Variants in GRID2 observed in about 807,000 individuals in gnomAD.
GRID2 encodes glutamate receptor ionotropic, delta-2.
GRID2 carries 33 observed loss-of-function variants against 114.8 expected under a neutral mutation model. That is an observed-to-expected ratio of 0.29 (90% confidence interval 0.22 to 0.38). The LOEUF (loss-of-function observed/expected upper bound fraction) is 0.38, where lower values mean the gene tolerates loss of function less well. Ranked by LOEUF, GRID2 falls within the 10% of genes least tolerant of loss-of-function variation. The pLI is 1.00. For synonymous variants in GRID2, 505 were observed against 449.9 expected, an observed-to-expected ratio of 1.12 and a Z score of -1.55; for missense variants, 1,184 against 1,257.7, an observed-to-expected ratio of 0.94 and a Z score of 0.89.
intron 4 of GRID2, among the ~76,000 whole-genome samples, chr4:93,160,070 T>C (rs915956825): frequency 4.6e-5 from 7 of 151,818 alleles, no homozygotes; most frequent in African/African-American, 1.7e-4. Flanking sequence ...AAAGGATATA[T>C]AGATAATCTT....
chr4:93,347,413 TAGTA>T (rs1477639882), intron 8 of GRID2, among the ~76,000 whole-genome samples: 1 of 152,128 alleles, frequency 6.6e-6, no homozygotes, highest in Non-Finnish European at 1.5e-5. Flanking sequence ...ATGTCTTTAT[TAGTA>T]AGTATAAAAT....
intron 8 of GRID2, among the ~76,000 whole-genome samples, chr4:93,259,167 T>C (rs2149545763): frequency 6.6e-6 from 1 of 151,942 alleles, no homozygotes; most frequent in Middle Eastern, 3.4e-3. Context: ...AAAAAATGCA[T>C]GATGATAGGA....
intron 2 of GRID2, among the ~76,000 whole-genome samples, chr4:92,958,832 G>T (rs1050475328): frequency 9.9e-5 from 15 of 151,966 alleles, no homozygotes; most frequent in African/African-American, 3.4e-4. Flanking sequence ...ATTCATTTTT[G>T]ATTCAATTTG....
At chr4:92,940,737 A>T (rs539267154) in intron 2 of GRID2, among the ~76,000 whole-genome samples, 1 of 152,000 alleles carries the variant, frequency 6.6e-6, no homozygotes, top group African/African-American at 2.4e-5. Context: ...TTTGAGATAC[A>T]TCCCATCAAT....
chr4:93,767,687 A>G (rs1459589436), intron 14 of GRID2, among the ~76,000 whole-genome samples: 1 of 152,144 alleles, frequency 6.6e-6, no homozygotes, highest in East Asian at 1.9e-4. Context: ...CCAACTTCCA[A>G]TGCACAAAAT....
chr4:93,328,168 T>G (rs960712942), intron 8 of GRID2, among the ~76,000 whole-genome samples: 2 of 151,918 alleles, frequency 1.3e-5, no homozygotes, highest in African/African-American at 4.8e-5. Context: ...GCAAGCAATA[T>G]GCACTTTTAA....
At chr4:92,732,623 T>A (rs1256372901) in intron 2 of GRID2, among the ~76,000 whole-genome samples, 2 of 152,050 alleles carry the variant, frequency 1.3e-5, no homozygotes, top group African/African-American at 2.4e-5. Context: ...GAGTTACATA[T>A]GACTGCTCAG....
chr4:92,582,993 T>C (rs558630051), intron 1 of GRID2, among the ~76,000 whole-genome samples: 18 of 152,036 alleles, frequency 1.2e-4, no homozygotes, highest in Non-Finnish European at 2.2e-4. Context: ...TCTCTCTCTA[T>C]ATATATTATT....
intron 1 of GRID2, among the ~76,000 whole-genome samples, chr4:92,542,486 G>T (rs769298803): frequency 1.3e-5 from 2 of 152,106 alleles, no homozygotes; most frequent in African/African-American, 4.8e-5. Flanking sequence ...TTGCAGCAAC[G>T]TGGATGGAGT....
At chr4:92,979,165 T>C (rs1754041754) in intron 2 of GRID2, among the ~76,000 whole-genome samples, 1 of 152,152 alleles carries the variant, frequency 6.6e-6, no homozygotes, top group Non-Finnish European at 1.5e-5. Flanking sequence ...TATTCCAGAT[T>C]TGAAGGCATT....
At chr4:93,515,944 A>G (rs957476177) in intron 13 of GRID2, among the ~76,000 whole-genome samples, 2 of 152,172 alleles carry the variant, frequency 1.3e-5, no homozygotes, top group Admixed American at 6.6e-5. Context: ...AACTATCTAT[A>G]TTAAAAAGGC....
chr4:93,555,472 C>T (rs1734222350), intron 13 of GRID2, among the ~76,000 whole-genome samples: 1 of 152,142 alleles, frequency 6.6e-6, no homozygotes, highest in Admixed American at 6.5e-5. Flanking sequence ...TTTCCCCTCA[C>T]AGTGTAAACA....
intron 2 of GRID2, among the ~76,000 whole-genome samples, chr4:92,605,796 T>A (rs544235040): frequency 6.6e-6 from 1 of 152,232 alleles, no homozygotes; most frequent in South Asian, 2.1e-4. Context: ...ATTCCTTGCT[T>A]GTCAACCATA....
chr4:92,404,339 C>T (rs1347770521), intron 1 of GRID2, among the ~76,000 whole-genome samples: 1 of 152,108 alleles, frequency 6.6e-6, no homozygotes, highest in Admixed American at 6.5e-5. Context: ...AATGAGATAA[C>T]ACCTCATACC....
chr4:92,774,556 T>C (rs1243008286), intron 2 of GRID2, among the ~76,000 whole-genome samples: 3 of 151,708 alleles, frequency 2.0e-5, no homozygotes, highest in Non-Finnish European at 4.4e-5. Context: ...ATATTCTAAT[T>C]TCTTCCAGAA....
chr4:92,562,139 A>T (rs1579585155), intron 1 of GRID2, among the ~76,000 whole-genome samples: 1 of 152,184 alleles, frequency 6.6e-6, no homozygotes, highest in East Asian at 1.9e-4. Flanking sequence ...CTAATGATCC[A>T]TTCTTTCCTG....
chr4:93,068,428 A>G (rs1191942031), intron 2 of GRID2, among the ~76,000 whole-genome samples: 6 of 152,088 alleles, frequency 3.9e-5, no homozygotes, highest in Non-Finnish European at 7.4e-5. Context: ...GGAAAATATC[A>G]TTATGTTATT....
chr4:92,517,904 C>T (rs1419587330), intron 1 of GRID2, among the ~76,000 whole-genome samples: 2 of 149,966 alleles, frequency 1.3e-5, no homozygotes, highest in Non-Finnish European at 3.0e-5. Flanking sequence ...TAGGCAAAAA[C>T]AAACAAACAA....
At chr4:92,843,424 T>A (rs935919773) in intron 2 of GRID2, among the ~76,000 whole-genome samples, 2 of 152,094 alleles carry the variant, frequency 1.3e-5, no homozygotes, top group Non-Finnish European at 2.9e-5. Context: ...TTGGTTTTTA[T>A]GAGCTATACT....
Sources: allele counts gnomAD v4.1 joint callset (sites outside exome capture counted in the v4.1 genomes callset), GRCh38; gene constraint gnomAD v4.1.1; transcripts MANE v1.5; gene names NCBI Gene and HGNC (gene_info 2026-07-23, HGNC 2026-07-21).